Variants in AJAP1 observed in about 807,000 individuals in gnomAD.
AJAP1 encodes adherens junctions associated protein 1, also known as adherens junction-associated protein 1.
Under a neutral mutation model 35.0 loss-of-function variants are expected in AJAP1, and 5 were observed. The ratio of observed to expected loss-of-function variants is 0.14; its 90% confidence interval spans 0.07 to 0.30. The LOEUF (loss-of-function observed/expected upper bound fraction) is 0.30. Among genes scored for constraint, AJAP1 ranks in the 10% least tolerant of loss-of-function variants. AJAP1 has a pLI of 1.00. For synonymous variants in AJAP1, 284 were observed against 249.3 expected (o/e 1.14, Z -1.31); for missense variants, 586 against 571.0 (o/e 1.03, Z -0.27).
At chr1:4,718,347 G>T (rs571336014) in intron 2 of AJAP1, among the ~76,000 whole-genome samples, 1 of 152,118 alleles carries the variant, frequency 6.6e-6, no homozygotes, top group South Asian at 2.1e-4. Context: ...AATGTTCCTG[G>T]CTTCAACTTA....
In AJAP1 at chr1:4,783,196, TCA is replaced by T. The variant is rs1229278511; in HGVS notation, c.*718_*719del. The T allele has an allele frequency of 1.1e-5, 2 of 185,310 alleles. No individual in the cohort carries two copies. The highest frequency in any genetic ancestry group is 2.1e-5 in the Non-Finnish European group (2 of 93,816). 11.5% of individuals were successfully genotyped at this position (185,310 alleles called of 1,614,324 possible). On this transcript the variant is annotated 3_prime_UTR_variant, in exon 6 of 6. Coordinates refer to ENST00000378191, the MANE Select transcript of AJAP1 (RefSeq NM_018836.4). Reference sequence around the variant, plus strand: ...GTGTTTTCTACTTTGGCAACTCACGTCACACACATATTACACACATGTGCGCA... The same window carrying T: ...GTGTTTTCTACTTTGGCAACTCACGTCACACATATTACACACATGTGCGCA...
At chr1:4,678,587 C>A (rs995294693) in intron 1 of AJAP1, among the ~76,000 whole-genome samples, 1 of 152,186 alleles carries the variant, frequency 6.6e-6, no homozygotes, top group Non-Finnish European at 1.5e-5. Context: ...TGAGAACTCA[C>A]AATAAGCCAG....
chr1:4,665,810 C>T (rs572799265), intron 1 of AJAP1, among the ~76,000 whole-genome samples: 50 of 152,340 alleles, frequency 3.3e-4, no homozygotes, highest in Non-Finnish European at 6.5e-4. Context: ...AGACCCCTCT[C>T]CTGGTCCTAC....
rs537994696 is a variant in AJAP1, at chr1:4,707,238, T to C, written c.30-4662T>C. On this transcript the variant is annotated intron_variant, in intron 1 of 5. Transcript: ENST00000378191. ...GCACTCCACATTGTCCCCACAACCC[T>C]TGCACACACCCCATTCTCTAGCATG... 2.6e-5 allele frequency among the ~76,000 whole-genome samples: 4 copies of C among 152,282 alleles called. No individual in the cohort carries two copies. The South Asian group carries it at 8.3e-4, about 32-fold the overall frequency.
At chr1:4,706,791 A>G (rs1339374031) in intron 1 of AJAP1, among the ~76,000 whole-genome samples, 9 of 152,214 alleles carry the variant, frequency 5.9e-5, no homozygotes, top group Non-Finnish European at 1.3e-4. Flanking sequence ...AAGGTAGTGA[A>G]TTGAATCTCA....
intron 1 of AJAP1, among the ~76,000 whole-genome samples, chr1:4,694,897 C>G (rs1383610144): frequency 6.6e-6 from 1 of 152,152 alleles, no homozygotes. Context: ...ATTGCTTTGG[C>G]AGCTGAGTGG....
rs1316106779 is a variant in AJAP1, at chr1:4,790,088, C to T, written c.*7603C>T. On this transcript the variant is annotated 3_prime_UTR_variant, in exon 6 of 6. Coordinates refer to ENST00000378191, the MANE Select transcript of AJAP1 (RefSeq NM_018836.4). ...CAACCTTTGGAGGACTCACCTGGGG[C>T]AGAAGGGAGAAAGGGCTTTGCTGAA... 1 of 152,260 alleles carries T rather than the reference C, an allele frequency of 6.6e-6. No individual in the cohort carries two copies. The highest frequency in any genetic ancestry group is 1.5e-5 in the Non-Finnish European group (1 of 68,080). 9.4% of individuals were successfully genotyped at this position (152,260 alleles called of 1,614,324 possible).
At position 4,783,846 on chromosome 1, in the gene AJAP1, T is replaced by G. The variant is rs925569695; in HGVS notation, c.*1361T>G. 7.9e-5 allele frequency: 12 copies of G among 152,088 alleles called. No individual in the cohort carries two copies. The highest frequency in any genetic ancestry group is 2.9e-4 in the African/African-American group (12 of 41,412). 9.4% of individuals were successfully genotyped at this position (152,088 alleles called of 1,614,324 possible). On this transcript the variant is annotated 3_prime_UTR_variant, in exon 6 of 6. Transcript: ENST00000378191. ...CTTAGACATACGTGAAGGGCCCCGG[T>G]TGGTTTGAAAACGAAAAATAGTCAT...
chr1:4,749,682 C>G (rs1032890759), intron 2 of AJAP1, among the ~76,000 whole-genome samples: 4 of 152,358 alleles, frequency 2.6e-5, no homozygotes, highest in East Asian at 3.9e-4. Context: ...GTGACCCCAA[C>G]TCCTTAGGGG....
In AJAP1 at chr1:4,791,934, A is replaced by G. The variant is rs1642254412; in HGVS notation, c.*9449A>G. 1 of 152,228 alleles carries G rather than the reference A, an allele frequency of 6.6e-6. No homozygotes were observed. Among genetic ancestry groups the G allele is most frequent in the Admixed American group, 6.5e-5 (1 of 15,284 alleles). The allele number at this position is 152,228 out of a possible 1,614,324, so 9.4% of individuals were successfully genotyped here. A position where few individuals can be genotyped will look rare whatever the true frequency, so the allele number is the denominator to read the frequency against. ...TGGAACTAGAAATTCACAAACCTGA[A>G]GCTGAACCACAGGACAAGAAATTAA... is the stretch of plus-strand genomic sequence containing the variant. On this transcript the variant is annotated 3_prime_UTR_variant, in exon 6 of 6. Transcript: ENST00000378191.
chr1:4,719,290 A>T (rs577504506), intron 2 of AJAP1, among the ~76,000 whole-genome samples: 2 of 152,278 alleles, frequency 1.3e-5, no homozygotes, highest in Non-Finnish European at 1.5e-5. Flanking sequence ...CGGGATGAGG[A>T]GTTGCAAAAC....
At chr1:4,759,847 C>G (rs1311021195) in intron 2 of AJAP1, among the ~76,000 whole-genome samples, 1 of 152,098 alleles carries the variant, frequency 6.6e-6, no homozygotes, top group African/African-American at 2.4e-5. Context: ...AGGGACTCTG[C>G]TGCTAACACG....
intron 2 of AJAP1, among the ~76,000 whole-genome samples, chr1:4,747,274 C>A (rs1641209337): frequency 6.6e-6 from 1 of 152,196 alleles, no homozygotes; most frequent in African/African-American, 2.4e-5. Context: ...CTTGCCCACA[C>A]TCCGATACAC....
chr1:4,769,826 C>T (rs1299265651), intron 2 of AJAP1, 27 bp from the exon 3 acceptor site: 1 of 1,597,518 alleles, frequency 6.3e-7, no homozygotes, highest in Non-Finnish European at 8.6e-7. Flanking sequence ...TTCACGGGTG[C>T]CCTCTTCCCT....
At chr1:4,719,993 CCCTCTGCCCCA>C (rs1427332118) in intron 2 of AJAP1, among the ~76,000 whole-genome samples, 8 of 152,124 alleles carry the variant, frequency 5.3e-5, no homozygotes, top group Non-Finnish European at 1.0e-4. Flanking sequence ...CCTGGTGGAA[CCCTCTGCCCCA>C]CCTCTGCCCA....
intron 1 of AJAP1, among the ~76,000 whole-genome samples, chr1:4,703,762 C>T (rs367609604): frequency 3.2e-4 from 48 of 152,268 alleles, no homozygotes; most frequent in African/African-American, 1.1e-3. Context: ...CCACCAGCTC[C>T]GGGGGACCCT....
rs556106518 is a variant in AJAP1 at position 4,720,810 on chromosome 1, G to A, written c.829+8111G>A. On this transcript the variant is annotated intron_variant, in intron 2 of 5. Coordinates refer to ENST00000378191, the MANE Select transcript of AJAP1 (RefSeq NM_018836.4). The surrounding 1 kb of genome is among the most constrained non-coding windows in gnomAD (Gnocchi z 4.4). ...CTTTTGAGGTCAGTTAGGTTGTGTG[G>A]CTGCATGCTCGGTGCTATTCTGTCC... 1.4e-3 allele frequency among the ~76,000 whole-genome samples: 215 copies of A among 152,274 alleles called. 1 individual carries two copies. Among genetic ancestry groups the A allele is most frequent in the African/African-American group, 4.7e-3 (196 of 41,562 alleles).
chr1:4,673,150 G>C (rs1639283807), intron 1 of AJAP1, among the ~76,000 whole-genome samples: 1 of 152,180 alleles, frequency 6.6e-6, no homozygotes, highest in Non-Finnish European at 1.5e-5. Context: ...TGTCAGCCCA[G>C]TGAGATGACC....
chr1:4,720,708 C>T lies in AJAP1; in HGVS notation c.829+8009C>T, dbSNP rs12082703. ...AAAAGATGCACGAAGCCCACCTCACCGGTGGCTCTGCCAGGGTAATCGAAT... is the reference window on the plus strand; with the variant it reads ...AAAAGATGCACGAAGCCCACCTCACTGGTGGCTCTGCCAGGGTAATCGAAT... On this transcript the variant is annotated intron_variant, in intron 2 of 5. Transcript: ENST00000378191. The surrounding 1 kb of genome is among the most constrained non-coding windows in gnomAD (Gnocchi z 4.4). 4.0e-3 allele frequency among the ~76,000 whole-genome samples: 604 copies of T among 152,340 alleles called. 1 individual carries two copies. Among genetic ancestry groups the T allele is most frequent in the African/African-American group, 0.014 (573 of 41,584 alleles).
Sources: allele counts gnomAD v4.1 joint callset (sites outside exome capture counted in the v4.1 genomes callset), GRCh38; gene constraint gnomAD v4.1.1; non-coding constraint Gnocchi (gnomAD v3.1); transcripts MANE v1.5; gene names NCBI Gene and HGNC (gene_info 2026-07-23, HGNC 2026-07-21).